The following RERE variants were observed in gnomAD, a reference collection of about 807,000 sequenced individuals.
RERE encodes the protein arginine-glutamic acid dipeptide repeats, also known as arginine-glutamic acid dipeptide repeats protein.
Under a neutral mutation model 146.1 loss-of-function variants are expected in RERE, and 40 were observed. That is an observed-to-expected ratio of 0.27 (90% confidence interval 0.21 to 0.36). RERE has a LOEUF of 0.36. Ranked by LOEUF, RERE falls within the 10% of genes least tolerant of loss-of-function variation. The pLI, the probability that RERE is intolerant of heterozygous loss-of-function variation, is 1.00. For synonymous variants in RERE, 1,003 were observed against 866.0 expected (o/e 1.16, Z -2.78); for missense variants, 1,933 against 2,138.7 (o/e 0.90, Z 1.90).
intron 12 of RERE, among the ~76,000 whole-genome samples, chr1:8,398,003 G>C (rs1643113355): frequency 6.6e-6 from 1 of 152,230 alleles, no homozygotes. Flanking sequence ...GGAGGTGTAA[G>C]ATAGAATTTC....
At chr1:8,816,744 TCCC>T (rs1299615851) in intron 1 of RERE, among the ~76,000 whole-genome samples, 1 of 151,950 alleles carries the variant, frequency 6.6e-6, no homozygotes, top group East Asian at 1.9e-4. Context: ...GAGGAAATCT[TCCC>T]CCAATGAGAA....
chr1:8,447,615 T>C (rs1644338480), intron 11 of RERE, among the ~76,000 whole-genome samples: 1 of 152,208 alleles, frequency 6.6e-6, no homozygotes, highest in South Asian at 2.1e-4. Context: ...TGCCTGGGTA[T>C]CACCAGCAGA....
intron 6 of RERE, among the ~76,000 whole-genome samples, chr1:8,542,525 A>G (rs1273586435): frequency 6.6e-6 from 1 of 152,178 alleles, no homozygotes; most frequent in Non-Finnish European, 1.5e-5. Flanking sequence ...AAGTACCTGT[A>G]ACCAAAGCAG....
At chr1:8,781,605 A>G (rs1168135956) in intron 1 of RERE, among the ~76,000 whole-genome samples, 1 of 151,592 alleles carries the variant, frequency 6.6e-6, no homozygotes, top group East Asian at 1.9e-4. Context: ...AAGTTATTGA[A>G]TCTCTCCGTG....
At chr1:8,681,197 TCTC>T (rs1014124848) in intron 1 of RERE, among the ~76,000 whole-genome samples, 7 of 152,180 alleles carry the variant, frequency 4.6e-5, no homozygotes, top group South Asian at 2.1e-4. Flanking sequence ...AAGCTACTAT[TCTC>T]CTACCACTTT....
chr1:8,750,110 C>G (rs1332827264), intron 1 of RERE, among the ~76,000 whole-genome samples: 1 of 135,542 alleles, frequency 7.4e-6, no homozygotes, highest in Non-Finnish European at 1.5e-5. Context: ...AAGATTATGC[C>G]ACTGTACTCC....
At chr1:8,729,217 AT>A (rs1173630956) in intron 1 of RERE, among the ~76,000 whole-genome samples, 5,205 of 100,444 alleles carry the variant, frequency 0.052, 352 homozygotes, top group African/African-American at 0.17. Flanking sequence ...AGCTACACCG[AT>A]TTTTTTTTTT....
At chr1:8,402,575 G>T (rs535709041) in intron 12 of RERE, among the ~76,000 whole-genome samples, 1 of 152,284 alleles carries the variant, frequency 6.6e-6, no homozygotes, top group South Asian at 2.1e-4. Flanking sequence ...GCATTCCCGG[G>T]ATAACTCCTA....
chr1:8,416,352 A>G (rs189181942), intron 12 of RERE, among the ~76,000 whole-genome samples: 1,946 of 152,188 alleles, frequency 0.013, 41 homozygotes, highest in African/African-American at 0.038. Flanking sequence ...TTGGGAGGCC[A>G]AGGCGGGCGG....
chr1:8,642,553 T>C (rs893964623), intron 2 of RERE, among the ~76,000 whole-genome samples: 1 of 152,182 alleles, frequency 6.6e-6, no homozygotes, highest in African/African-American at 2.4e-5. Context: ...AAACCAAATA[T>C]TAAATTAGTA....
chr1:8,483,775 A>T (rs536569724), intron 10 of RERE, among the ~76,000 whole-genome samples: 3 of 152,346 alleles, frequency 2.0e-5, no homozygotes, highest in Admixed American at 2.0e-4. Flanking sequence ...TTGCTGAAGG[A>T]GATGTGGGTG....
At chr1:8,776,498 A>G (rs2124554396) in intron 1 of RERE, among the ~76,000 whole-genome samples, 1 of 152,280 alleles carries the variant, frequency 6.6e-6, no homozygotes, top group East Asian at 1.9e-4. Context: ...GGCTTTCGCC[A>G]TGTTGGCCAG....
intron 1 of RERE, among the ~76,000 whole-genome samples, chr1:8,726,265 C>G (rs1040590043): frequency 1.3e-4 from 20 of 150,004 alleles, no homozygotes; most frequent in Non-Finnish European, 2.5e-4. Flanking sequence ...AGCAGTTCTG[C>G]CTCAGCCTCC....
chr1:8,572,940 G>GA (rs1418547438), intron 4 of RERE, among the ~76,000 whole-genome samples: 1 of 152,120 alleles, frequency 6.6e-6, no homozygotes, highest in Non-Finnish European at 1.5e-5. Flanking sequence ...AGGATAGCAG[G>GA]AAAAACTGTA....
chr1:8,357,007 A>G (rs1468094181), intron 20 of RERE, among the ~76,000 whole-genome samples: 1 of 151,442 alleles, frequency 6.6e-6, no homozygotes, highest in African/African-American at 2.4e-5. Context: ...TCCTCAGCGG[A>G]CCTCTCCTGA....
intron 7 of RERE, among the ~76,000 whole-genome samples, chr1:8,517,671 T>C (rs1266904010): frequency 6.6e-6 from 1 of 152,082 alleles, no homozygotes; most frequent in Non-Finnish European, 1.5e-5. Context: ...ATTCCTGAAG[T>C]ATTAAAAAAA....
At chr1:8,379,413 G>A (rs958562316) in intron 12 of RERE, among the ~76,000 whole-genome samples, 18 of 152,166 alleles carry the variant, frequency 1.2e-4, no homozygotes, top group Admixed American at 9.8e-4. Context: ...GGTTCCAGGG[G>A]TTTCCAAGCC....
intron 12 of RERE, among the ~76,000 whole-genome samples, chr1:8,400,222 A>ATGTGTGTGTGTG (rs1553161719): frequency 2.8e-4 from 39 of 140,144 alleles, no homozygotes; most frequent in African/African-American, 3.4e-4. Flanking sequence ...CCTGTGTCAT[A>ATGTGTGTGTGTG]TGTGTGTGTG....
chr1:8,526,096 T>A (rs537442250), intron 7 of RERE: 5 of 1,110,474 alleles, frequency 4.5e-6, no homozygotes, highest in Admixed American at 1.0e-4. Context: ...AGCTTCTCCC[T>A]GCACACCAAG....
Sources: allele counts gnomAD v4.1 joint callset (sites outside exome capture counted in the v4.1 genomes callset), GRCh38; gene constraint gnomAD v4.1.1; transcripts MANE v1.5; gene names NCBI Gene and HGNC (gene_info 2026-07-23, HGNC 2026-07-21).